HAUS6: variants seen among roughly 807,000 people sequenced by gnomAD.
HAUS6 encodes HAUS augmin-like complex subunit 6.
HAUS6 carries 80 observed loss-of-function variants against 106.8 expected under a neutral mutation model. The observed-to-expected ratio is 0.75, with a 90% CI of 0.63 to 0.90. HAUS6 has a LOEUF of 0.90. HAUS6 is among the 40% of genes least tolerant of loss of function. HAUS6 has a pLI of 0.00. For synonymous variants in HAUS6, 356 were observed against 379.1 expected (o/e 0.94, Z 0.71); for missense variants, 1,155 against 1,118.1 (o/e 1.03, Z -0.47).
intron 3 of HAUS6, among the ~76,000 whole-genome samples, chr9:19,093,677 T>A (rs1256432843): frequency 6.6e-6 from 1 of 152,194 alleles, no homozygotes; most frequent in East Asian, 1.9e-4. Flanking sequence ...AAGACCAGCC[T>A]GGCCAACATG....
chr9:19,086,988 T>C (rs1201388349), intron 6 of HAUS6, 103 bp downstream of exon 6: 1 of 681,544 alleles, frequency 1.5e-6, no homozygotes, highest in Non-Finnish European at 2.7e-6. Flanking sequence ...TGGCTATTGA[T>C]ATATTATTTT....
intron 12 of HAUS6, among the ~76,000 whole-genome samples, chr9:19,069,461 G>T (rs1836839817): frequency 6.6e-6 from 1 of 152,050 alleles, no homozygotes; most frequent in Admixed American, 6.5e-5. Flanking sequence ...GGCCAAGGCG[G>T]GTAGATCACC....
intron 14 of HAUS6, among the ~76,000 whole-genome samples, chr9:19,061,272 A>C (rs1466295920): frequency 6.6e-6 from 1 of 152,206 alleles, no homozygotes; most frequent in African/African-American, 2.4e-5. Flanking sequence ...AAAACACTAA[A>C]TATCCCCTGT....
At chr9:19,057,072 A>G (rs1836490884) in intron 16 of HAUS6, 1 of 152,228 alleles carries the variant, frequency 6.6e-6, no homozygotes, top group African/African-American at 2.4e-5. Flanking sequence ...GATTAACTCA[A>G]TATATCCATC....
chr9:19,091,083 A>C (rs1053385230), intron 4 of HAUS6, among the ~76,000 whole-genome samples: 1 of 151,636 alleles, frequency 6.6e-6, no homozygotes, highest in Non-Finnish European at 1.5e-5. Context: ...GGTGGATCAC[A>C]AGGTCAGGAG....
rs1564014089 is a variant in HAUS6 at position 19,078,262 on chromosome 9, C to G, written c.1105G>C (p.Val369Leu). ...TGCCATTCTCCTTGCTTTTCAACAA[C>G]AGAATGTCTTATAGTTGTGAGATCA... Reference protein sequence around the residue: ...KDDLTTIRHSVVEKQGEWHKK... With the variant: ...KDDLTTIRHSLVEKQGEWHKK... Residue 369 changes from valine (V) to leucine (L), a missense_variant, in exon 10 of 17, where the codon GTT becomes CTT. Physicochemically the swap from Val to Leu is conservative, Grantham distance 32. Transcript: ENST00000380502. 3.9e-6 allele frequency: 6 copies of G among 1,528,760 alleles called. No individual in the cohort carries two copies. The highest frequency in any genetic ancestry group is 4.5e-6 in the Non-Finnish European group (5 of 1,103,686). 94.7% of individuals were successfully genotyped at this position (1,528,760 alleles called of 1,614,324 possible).
intron 7 of HAUS6, among the ~76,000 whole-genome samples, chr9:19,084,673 C>T (rs1056792179): frequency 6.6e-6 from 1 of 150,454 alleles, no homozygotes; most frequent in Admixed American, 6.6e-5. Flanking sequence ...CACTCTGTCA[C>T]CCAGGCTGGA....
At chr9:19,057,093 A>G (rs1387642128) in intron 16 of HAUS6, 1 of 152,196 alleles carries the variant, frequency 6.6e-6, no homozygotes, top group African/African-American at 2.4e-5. Context: ...ACCTAGCTTC[A>G]ATAATTATTA....
At chr9:19,085,990 T>TA (rs1416013275) in intron 7 of HAUS6, among the ~76,000 whole-genome samples, 4 of 146,676 alleles carry the variant, frequency 2.7e-5, no homozygotes, top group Middle Eastern at 3.5e-3. Flanking sequence ...CCTATGAGTT[T>TA]TAAAAAAAAA....
At chr9:19,094,785 G>GA (rs533884435) in intron 2 of HAUS6, among the ~76,000 whole-genome samples, 7 of 149,458 alleles carry the variant, frequency 4.7e-5, no homozygotes, top group East Asian at 2.0e-4. Flanking sequence ...TGTCTCAAAA[G>GA]AAAAAAAAAC....
intron 1 of HAUS6, among the ~76,000 whole-genome samples, chr9:19,099,031 A>G (rs1273508904): frequency 4.0e-5 from 6 of 151,212 alleles, no homozygotes; most frequent in Admixed American, 2.6e-4. Flanking sequence ...AAAAAAAAAA[A>G]AAAGAAAAAA....
rs548645810 is a variant in HAUS6 at position 19,071,227 on chromosome 9, C to G, written c.1295-927G>C. Among the ~76,000 whole-genome samples the G allele has an allele frequency of 3.3e-5, 5 of 152,032 alleles. No individual in the cohort carries two copies. In the East Asian group the frequency reaches 9.7e-4, roughly 29 times the overall value. On this transcript the variant is annotated intron_variant, in intron 11 of 16. Coordinates refer to ENST00000380502, the MANE Select transcript of HAUS6 (RefSeq NM_017645.5). ...AATACTAGACAGACAGGTCAAAAAG[C>G]AGATTAAACATAACTAAAAGATAAA...
At chr9:19,067,783 G>A (rs1836794550) in intron 12 of HAUS6, among the ~76,000 whole-genome samples, 1 of 152,058 alleles carries the variant, frequency 6.6e-6, no homozygotes, top group Admixed American at 6.6e-5. Context: ...CCGCCACCTG[G>A]GTTCAAGCAA....
chr9:19,102,619 C>G lies in HAUS6; in HGVS notation c.33G>C (p.Lys11Asn). The G allele has an allele frequency of 1.2e-6, 2 of 1,613,228 alleles. No individual in the cohort carries two copies. Among genetic ancestry groups the G allele is most frequent in the Non-Finnish European group, 1.7e-6 (2 of 1,179,578 alleles). Reference protein sequence around the residue: MSSASVTAFEKEHLWMYLQAL... With the variant: MSSASVTAFENEHLWMYLQAL... ...CCTGCAGATACATCCAGAGATGCTC[C>G]TTCTCGAAAGCGGTGACCGAGGCCG... Residue 11 changes from lysine (K) to asparagine (N), a missense_variant, in exon 1 of 17, where the codon AAG (lysine) becomes AAC (asparagine). This residue lies in a region of HAUS6 where 761 missense variants were observed against 690.0 expected (regional missense o/e 1.10). Coordinates refer to ENST00000380502, the MANE Select transcript of HAUS6 (RefSeq NM_017645.5).
chr9:19,098,990 C>G (rs1014285273), intron 1 of HAUS6, among the ~76,000 whole-genome samples: 1 of 145,442 alleles, frequency 6.9e-6, no homozygotes, highest in Non-Finnish European at 1.5e-5. Flanking sequence ...GCACTCCAGC[C>G]TGGGCAACAA....
chr9:19,095,994 C>T (rs72696489), intron 2 of HAUS6, among the ~76,000 whole-genome samples: 5,288 of 152,132 alleles, frequency 0.035, 115 homozygotes, highest in Non-Finnish European at 0.051. Context: ...TAGTAAGGCA[C>T]AGAGTACCGA....
At chr9:19,074,957 C>T (rs904671430) in intron 11 of HAUS6, among the ~76,000 whole-genome samples, 1 of 152,084 alleles carries the variant, frequency 6.6e-6, no homozygotes, top group South Asian at 2.1e-4. Context: ...AGAAGCATTA[C>T]TCATAATAGT....
intron 12 of HAUS6, 193 bp from the exon 13 acceptor site, chr9:19,063,773 G>C (rs1329497814): frequency 5.4e-6 from 4 of 740,498 alleles, no homozygotes; most frequent in Non-Finnish European, 1.0e-5. Flanking sequence ...CCCAATTTGT[G>C]TATCAGCCTC....
At chr9:19,078,841 A>G (rs1382826480) in intron 9 of HAUS6, among the ~76,000 whole-genome samples, 1 of 118,900 alleles carries the variant, frequency 8.4e-6, no homozygotes, top group Non-Finnish European at 1.7e-5. Flanking sequence ...TTAAAAAATT[A>G]GTTTAAAAAA....
Sources: gnomAD v4.1 joint callset for allele counts (sites outside exome capture counted in the v4.1 genomes callset) on GRCh38, gnomAD v4.1.1 for gene constraint, gnomAD v4.1.1 regional missense constraint, MANE v1.5 for transcripts, NCBI Gene and HGNC (gene_info 2026-07-23, HGNC 2026-07-21) for gene names.